The following DLG2 variants were observed in gnomAD, a reference collection of about 807,000 sequenced individuals.
DLG2 encodes the protein disks large homolog 2.
A neutral mutation model predicts 132.5 loss-of-function variants in DLG2; 45 were observed. The ratio of observed to expected loss-of-function variants is 0.34; its 90% CI spans 0.27 to 0.44. DLG2 has a LOEUF of 0.44. Among genes scored for constraint, DLG2 ranks in the 20% least tolerant of loss-of-function variants. DLG2 has a pLI of 1.00. For synonymous variants in DLG2, 424 were observed against 419.6 expected (o/e 1.01, Z -0.13); for missense variants, 1,045 against 1,196.9 (o/e 0.87, Z 1.87).
At chr11:84,496,424 A>T (rs2099184146) in intron 7 of DLG2, among the ~76,000 whole-genome samples, 1 of 152,164 alleles carries the variant, frequency 6.6e-6, no homozygotes, top group South Asian at 2.1e-4. Context: ...TGCCTGCTAC[A>T]TGAATGGACT....
chr11:85,456,370 G>A (rs1374820994), intron 3 of DLG2, among the ~76,000 whole-genome samples: 3 of 151,924 alleles, frequency 2.0e-5, no homozygotes, highest in Non-Finnish European at 2.9e-5. Context: ...TTCTTTATTA[G>A]TCTACATAGC....
chr11:84,016,430 T>C (rs2095190720), intron 11 of DLG2, among the ~76,000 whole-genome samples: 1 of 152,160 alleles, frequency 6.6e-6, no homozygotes, highest in African/African-American at 2.4e-5. Context: ...TCCTCATGCC[T>C]ATGTCTTGAA....
chr11:83,719,225 G>A (rs1378054550), intron 18 of DLG2, among the ~76,000 whole-genome samples: 1 of 152,152 alleles, frequency 6.6e-6, no homozygotes, highest in African/African-American at 2.4e-5. Context: ...CAGTGTTAGA[G>A]GACTGAGAAG....
At chr11:84,297,608 C>T (rs937163039) in intron 7 of DLG2, among the ~76,000 whole-genome samples, 3 of 152,102 alleles carry the variant, frequency 2.0e-5, no homozygotes, top group African/African-American at 7.2e-5. Context: ...ACTAGTCTCC[C>T]TCCTTCCATT....
chr11:85,166,061 G>C (rs1167216329), intron 4 of DLG2, among the ~76,000 whole-genome samples: 2 of 152,000 alleles, frequency 1.3e-5, no homozygotes, highest in Non-Finnish European at 2.9e-5. Flanking sequence ...ATCTTTTTCT[G>C]ACTTTCTATA....
chr11:84,247,387 C>T (rs2097315818), intron 8 of DLG2, among the ~76,000 whole-genome samples: 1 of 152,024 alleles, frequency 6.6e-6, no homozygotes, highest in South Asian at 2.1e-4. Context: ...ACTTTCAGTA[C>T]CTGGCATGAA....
intron 7 of DLG2, among the ~76,000 whole-genome samples, chr11:84,355,080 C>T (rs2098603023): frequency 1.3e-5 from 2 of 151,990 alleles, no homozygotes; most frequent in Admixed American, 1.3e-4. Flanking sequence ...GTGTATAGTT[C>T]TCCTACCCCA....
intron 18 of DLG2, among the ~76,000 whole-genome samples, chr11:83,694,760 T>C (rs953121738): frequency 2.0e-5 from 3 of 152,204 alleles, no homozygotes; most frequent in Non-Finnish European, 4.4e-5. Context: ...ACTTTAGCAA[T>C]TGGCAAATCA....
intron 6 of DLG2, among the ~76,000 whole-genome samples, chr11:84,790,871 C>A (rs895762623): frequency 2.0e-5 from 3 of 152,166 alleles, no homozygotes; most frequent in East Asian, 1.9e-4. Flanking sequence ...GTTCTTGGCA[C>A]CTTTGTTGAA....
intron 4 of DLG2, among the ~76,000 whole-genome samples, chr11:85,180,573 G>A (rs1162874177): frequency 6.6e-6 from 1 of 151,804 alleles, no homozygotes; most frequent in East Asian, 1.9e-4. Flanking sequence ...TTTTGTGTTA[G>A]TTTCAGGATG....
At chr11:84,268,215 G>A (rs1055953481) in intron 7 of DLG2, among the ~76,000 whole-genome samples, 1 of 151,884 alleles carries the variant, frequency 6.6e-6, no homozygotes, top group African/African-American at 2.4e-5. Flanking sequence ...TCTAGCCTTC[G>A]CTGGTTATCT....
At chr11:84,533,022 C>T (rs746405422) in intron 7 of DLG2, among the ~76,000 whole-genome samples, 1 of 152,074 alleles carries the variant, frequency 6.6e-6, no homozygotes, top group African/African-American at 2.4e-5. Flanking sequence ...CTAAACAGGA[C>T]CTTAAAGACA....
chr11:84,532,116 C>CTTTTTTTTT (rs1565211965), intron 7 of DLG2, among the ~76,000 whole-genome samples: 1 of 69,918 alleles, frequency 1.4e-5, no homozygotes, highest in African/African-American at 4.7e-5. Flanking sequence ...TTGTTCTGTT[C>CTTTTTTTTT]ATTTTTTTTT....
intron 7 of DLG2, among the ~76,000 whole-genome samples, chr11:84,533,592 G>A (rs952983249): frequency 1.3e-5 from 2 of 152,024 alleles, no homozygotes; most frequent in East Asian, 3.9e-4. Context: ...TGAAACGTAA[G>A]GTTAAGCATA....
At position 83,891,868 on chromosome 11, in the gene DLG2, G is replaced by A. The variant is rs145838391; in HGVS notation, c.1497-17380C>T. On this transcript the variant is annotated intron_variant, in intron 15 of 27. Coordinates refer to ENST00000376104, the MANE Select transcript of DLG2 (RefSeq NM_001142699.3). ...TAGGATGTTTGACTTCATGGGATCT[G>A]TTAGTCTGTTTGTATTAGCCTCATG... Among the ~76,000 whole-genome samples the A allele has an allele frequency of 8.9e-4, 135 of 152,276 alleles. 2 individuals are homozygous for A. In the East Asian group the frequency reaches 0.022, roughly 25 times the overall value.
At chr11:85,068,279 T>A (rs1264582490) in intron 6 of DLG2, among the ~76,000 whole-genome samples, 1 of 152,018 alleles carries the variant, frequency 6.6e-6, no homozygotes, top group Admixed American at 6.6e-5. Context: ...CTATTCAACA[T>A]TGTGTTGGAA....
At chr11:84,377,548 A>G (rs185244984) in intron 7 of DLG2, among the ~76,000 whole-genome samples, 1 of 152,148 alleles carries the variant, frequency 6.6e-6, no homozygotes, top group East Asian at 1.9e-4. Context: ...TAGTATTATA[A>G]AATGTAGTAA....
intron 19 of DLG2, among the ~76,000 whole-genome samples, chr11:83,593,395 C>CA (rs1253733345): frequency 6.6e-6 from 1 of 151,034 alleles, no homozygotes; most frequent in Non-Finnish European, 1.5e-5. Context: ...ATCGCAAGAA[C>CA]AAAAAACCAA....
chr11:85,309,220 G>T (rs1299255689), intron 3 of DLG2, among the ~76,000 whole-genome samples: 2 of 152,046 alleles, frequency 1.3e-5, no homozygotes, highest in Non-Finnish European at 2.9e-5. Context: ...CAAAAAAAAT[G>T]TAACATGAGC....
Sources: allele counts gnomAD v4.1 joint callset (sites outside exome capture counted in the v4.1 genomes callset), GRCh38; gene constraint gnomAD v4.1.1; transcripts MANE v1.5; gene names NCBI Gene and HGNC (gene_info 2026-07-23, HGNC 2026-07-21).